ETNK1: variants seen among roughly 807,000 people sequenced by gnomAD.
The protein encoded by ETNK1 is putative protein product of Nbla10396.
Under a neutral mutation model 45.1 loss-of-function variants are expected in ETNK1, and 8 were observed. The ratio of observed to expected loss-of-function variants is 0.18; its 90% CI spans 0.10 to 0.32. The LOEUF is 0.32. Among genes scored for constraint, ETNK1 ranks in the 10% least tolerant of loss-of-function variants. ETNK1 has a pLI of 1.00. For missense variants in ETNK1, 302 were observed against 430.6 expected (o/e 0.70, Z 2.64); for synonymous variants, 152 against 151.9 (o/e 1.00, Z -0.01).
rs1954248687 is a variant in ETNK1, at chr12:22,685,058, G to C, written c.*104G>C. The C allele has an allele frequency of 1.3e-6, 1 of 760,774 alleles. No individual in the cohort carries two copies. The highest frequency in any genetic ancestry group is 1.8e-5 in the African/African-American group (1 of 55,954). The allele number at this position is 760,774 out of a possible 1,614,324, so 47.1% of individuals were successfully genotyped here. ...AGTTAAAATTCTGTTGTTTAATTTG[G>C]TTATCTTGCTTTATAAATTATGCCT... is the stretch of plus-strand genomic sequence containing the variant. On this transcript the variant is annotated 3_prime_UTR_variant, in exon 8 of 8. Transcript: ENST00000266517.
chr12:22,690,592 A>G lies in ETNK1; in HGVS notation c.*5638A>G, dbSNP rs1305464237. 6.6e-6 allele frequency: 1 copy of G among 152,568 alleles called. No individual in the cohort carries two copies. Among genetic ancestry groups the G allele is most frequent in the Non-Finnish European group, 1.5e-5 (1 of 67,968 alleles). 9.5% of individuals were successfully genotyped at this position (152,568 alleles called of 1,614,324 possible). ...TTTTTACCATTGATTAAATGAAGGA[A>G]TGTATCTTTTTGAAGAGATTTATAT... On this transcript the variant is annotated 3_prime_UTR_variant, in exon 8 of 8. Coordinates refer to ENST00000266517, the MANE Select transcript of ETNK1 (RefSeq NM_018638.5).
intron 1 of ETNK1, among the ~76,000 whole-genome samples, chr12:22,639,672 C>CAA (rs61530753): frequency 1.4e-5 from 2 of 138,512 alleles, no homozygotes; most frequent in African/African-American, 2.6e-5. Flanking sequence ...CTGAGACTCT[C>CAA]AAAAAAAAAA....
At chr12:22,650,161 A>C (rs906566678) in intron 2 of ETNK1, among the ~76,000 whole-genome samples, 1 of 151,990 alleles carries the variant, frequency 6.6e-6, no homozygotes, top group African/African-American at 2.4e-5. Flanking sequence ...CAAGCTTGCT[A>C]TAATTGCTCA....
intron 2 of ETNK1, chr12:22,644,536 T>C: frequency 3.0e-6 from 1 of 333,474 alleles, no homozygotes; most frequent in Non-Finnish European, 4.8e-6. Context: ...CTCTTTCTGC[T>C]CTTGAAAACT....
chr12:22,643,900 AG>A lies in ETNK1; in HGVS notation c.295del (p.Val99CysfsTer42). The A allele has an allele frequency of 6.2e-7, 1 of 1,613,534 alleles. No homozygotes were observed. The highest frequency in any genetic ancestry group is 8.5e-7 in the Non-Finnish European group (1 of 1,179,568). On this transcript the variant is annotated frameshift_variant, in exon 2 of 8. Coordinates refer to ENST00000266517, the MANE Select transcript of ETNK1 (RefSeq NM_018638.5). LOFTEE classifies it high-confidence loss of function. Reference protein sequence around the residue: ...DRDEEVKSFRVLQAHGCAPQL... With the variant: ...DRDEEVKSFRXLQAHGCAPQL... ...GAGATGAGGAAGTAAAGAGTTTTCG[AG>A]TGTTGCAGGCTCATGGGTGTGCACC...
intron 5 of ETNK1, among the ~76,000 whole-genome samples, chr12:22,672,279 C>T (rs1227586941): frequency 3.3e-5 from 5 of 151,898 alleles, no homozygotes; most frequent in African/African-American, 9.7e-5. Context: ...TTTAGAAACA[C>T]GAAATGCTCT....
At chr12:22,638,128 A>C (rs1953679065) in intron 1 of ETNK1, among the ~76,000 whole-genome samples, 1 of 152,176 alleles carries the variant, frequency 6.6e-6, no homozygotes, top group Non-Finnish European at 1.5e-5. Context: ...TTGGCAGAGA[A>C]GGGAAGGAGA....
intron 2 of ETNK1, among the ~76,000 whole-genome samples, chr12:22,644,995 A>G (rs985414916): frequency 3.9e-5 from 6 of 151,948 alleles, no homozygotes; most frequent in Admixed American, 1.3e-4. Flanking sequence ...CAAATAATAT[A>G]TTAAAATATT....
At chr12:22,653,896 G>C (rs917289540) in intron 2 of ETNK1, among the ~76,000 whole-genome samples, 1 of 152,156 alleles carries the variant, frequency 6.6e-6, no homozygotes. Context: ...TGGCTGCCAT[G>C]GTTACAATTG....
At chr12:22,631,817 G>T (rs1953583836) in intron 1 of ETNK1, among the ~76,000 whole-genome samples, 1 of 151,932 alleles carries the variant, frequency 6.6e-6, no homozygotes, top group South Asian at 2.1e-4. Context: ...GAAATCAGAG[G>T]TTCTATTTCT....
intron 5 of ETNK1, among the ~76,000 whole-genome samples, chr12:22,673,204 C>A (rs1193113124): frequency 6.6e-6 from 1 of 152,104 alleles, no homozygotes; most frequent in Non-Finnish European, 1.5e-5. Flanking sequence ...TGGGTTGCTT[C>A]CTAAAATGCA....
Position 22,688,739 on chromosome 12 carries a change from C to A in ETNK1, c.*3785C>A, listed in dbSNP as rs1954281073. 1 of 152,184 alleles carries A rather than the reference C, an allele frequency of 6.6e-6. No individual in the cohort carries two copies. The highest frequency in any genetic ancestry group is 6.6e-5 in the Admixed American group (1 of 15,254). 9.4% of individuals were successfully genotyped at this position (152,184 alleles called of 1,614,324 possible). On this transcript the variant is annotated 3_prime_UTR_variant, in exon 8 of 8. Coordinates refer to ENST00000266517, the MANE Select transcript of ETNK1 (RefSeq NM_018638.5). ...TAATTATTATGCACAGAGGAAAAAT[C>A]ATTTTAAGTATGTGGTAAAGCAGCT...
chr12:22,676,029 C>CT (rs1954157906), intron 6 of ETNK1, among the ~76,000 whole-genome samples: 2 of 152,092 alleles, frequency 1.3e-5, no homozygotes, highest in Non-Finnish European at 2.9e-5. Context: ...TATTATTATA[C>CT]TTTAAGTTCT....
chr12:22,670,121 A>G (rs1308522518), intron 4 of ETNK1, among the ~76,000 whole-genome samples: 1 of 152,172 alleles, frequency 6.6e-6, no homozygotes, highest in East Asian at 1.9e-4. Context: ...CCAAAATTAA[A>G]CTTACAAATG....
intron 2 of ETNK1, among the ~76,000 whole-genome samples, chr12:22,651,646 A>ATT (rs140942941): frequency 3.2e-5 from 4 of 124,952 alleles, no homozygotes; most frequent in African/African-American, 1.2e-4. Flanking sequence ...TTCCTAACAT[A>ATT]TTTTTTTTTT....
intron 2 of ETNK1, among the ~76,000 whole-genome samples, chr12:22,647,365 G>T (rs1413229354): frequency 6.6e-6 from 1 of 151,824 alleles, no homozygotes; most frequent in Non-Finnish European, 1.5e-5. Flanking sequence ...CACCTTGTGG[G>T]TTGTGTGCAT....
In ETNK1 at chr12:22,661,643, G is replaced by A. The variant is rs375595718; in HGVS notation, c.700+438G>A. On this transcript the variant is annotated intron_variant, in intron 4 of 7. Coordinates refer to ENST00000266517, the MANE Select transcript of ETNK1 (RefSeq NM_018638.5). ...GGACAACAGTATTAAAAACAAATGT[G>A]TCTCCAGGTTTCTCATTATCTAGTT... Among the ~76,000 whole-genome samples the A allele has an allele frequency of 1.1e-4, 16 of 152,216 alleles. 1 individual carries two copies. Among genetic ancestry groups the A allele is most frequent in the African/African-American group, 3.9e-4 (16 of 41,524 alleles).
intron 1 of ETNK1, 66 bp from the exon 2 acceptor site, chr12:22,643,697 T>A: frequency 7.3e-7 from 1 of 1,366,896 alleles, no homozygotes. Flanking sequence ...GATTTTCAAT[T>A]TATCTCCTGT....
chr12:22,641,393 TG>T (rs1953734727), intron 1 of ETNK1, among the ~76,000 whole-genome samples: 1 of 152,180 alleles, frequency 6.6e-6, no homozygotes, highest in Non-Finnish European at 1.5e-5. Context: ...AGGAGGTATT[TG>T]GTAATTTTTG....
Sources: gnomAD v4.1 joint callset for allele counts (sites outside exome capture counted in the v4.1 genomes callset) on GRCh38, gnomAD v4.1.1 for gene constraint, MANE v1.5 for transcripts, NCBI Gene and HGNC (gene_info 2026-07-23, HGNC 2026-07-21) for gene names.